The following NDUFAF2 variants were observed in gnomAD, a reference collection of about 807,000 sequenced individuals.
NDUFAF2 encodes NADH:ubiquinone oxidoreductase complex assembly factor 2.
In NDUFAF2, 13 loss-of-function variants were observed where a neutral mutation model predicts 22.8. That is an observed-to-expected ratio of 0.57 (90% CI 0.37 to 0.91). The LOEUF (loss-of-function observed/expected upper bound fraction) is 0.91. Ranked by LOEUF, NDUFAF2 falls within the 40% of genes least tolerant of loss-of-function variation. NDUFAF2 has a pLI of 0.01. For synonymous variants in NDUFAF2, 53 were observed against 64.2 expected, an observed-to-expected ratio of 0.83 and a Z score of 0.84; for missense variants, 162 against 195.2, an observed-to-expected ratio of 0.83 and a Z score of 1.01.
intron 1 of NDUFAF2, among the ~76,000 whole-genome samples, chr5:61,008,578 CG>C (rs2112596104): frequency 6.6e-6 from 1 of 152,138 alleles, no homozygotes; most frequent in Admixed American, 6.6e-5. Context: ...CTATAAAATG[CG>C]GATGATTTCA....
At chr5:60,947,637 G>C (rs895145536) in intron 1 of NDUFAF2, among the ~76,000 whole-genome samples, 1 of 151,556 alleles carries the variant, frequency 6.6e-6, no homozygotes, top group African/African-American at 2.4e-5. Context: ...ATGGTGGCAC[G>C]CGCCTGTAAT....
chr5:60,993,468 G>T (rs1407377797), intron 1 of NDUFAF2, among the ~76,000 whole-genome samples: 2 of 152,216 alleles, frequency 1.3e-5, no homozygotes, highest in African/African-American at 4.8e-5. Flanking sequence ...AGTCCAGGAA[G>T]AATGAGGTAT....
intron 2 of NDUFAF2, among the ~76,000 whole-genome samples, chr5:61,081,560 G>A (rs181775751): frequency 4.6e-5 from 7 of 152,196 alleles, no homozygotes; most frequent in East Asian, 3.9e-4. Context: ...GTCACCTTGG[G>A]CATAGATTAG....
intron 2 of NDUFAF2, among the ~76,000 whole-genome samples, chr5:61,088,732 A>G (rs1752533676): frequency 6.6e-6 from 1 of 152,166 alleles, no homozygotes; most frequent in Non-Finnish European, 1.5e-5. Context: ...GATTTGTTTC[A>G]TAATATATCC....
chr5:61,013,400 T>A (rs1751465998), intron 1 of NDUFAF2, among the ~76,000 whole-genome samples: 1 of 152,160 alleles, frequency 6.6e-6, no homozygotes, highest in Non-Finnish European at 1.5e-5. Context: ...TTATAATAAT[T>A]TCTTTCAACT....
intron 1 of NDUFAF2, among the ~76,000 whole-genome samples, chr5:60,978,256 TG>T (rs140861630): frequency 0.15 from 22,581 of 152,204 alleles, 2,137 homozygotes; most frequent in South Asian, 0.28. Flanking sequence ...TGGCAAGCCT[TG>T]ATACTGCGGG....
intron 1 of NDUFAF2, among the ~76,000 whole-genome samples, chr5:60,977,119 A>G (rs1375607771): frequency 1.3e-5 from 2 of 152,096 alleles, no homozygotes; most frequent in Admixed American, 6.5e-5. Context: ...ATATTAAAAT[A>G]TAGGTGTTAT....
intron 1 of NDUFAF2, among the ~76,000 whole-genome samples, chr5:60,985,207 G>C (rs1333752971): frequency 1.3e-5 from 2 of 152,128 alleles, no homozygotes; most frequent in African/African-American, 2.4e-5. Context: ...ATTCTATGAT[G>C]GTAGTTTGTA....
chr5:61,063,343 TAA>T (rs35853222), intron 1 of NDUFAF2, among the ~76,000 whole-genome samples: 81 of 146,712 alleles, frequency 5.5e-4, no homozygotes, highest in East Asian at 1.6e-3. Context: ...TCAAAAAAGT[TAA>T]AAAAAAAAAA....
At chr5:61,071,287 C>G in intron 1 of NDUFAF2, among the ~76,000 whole-genome samples, 1 of 152,142 alleles carries the variant, frequency 6.6e-6, no homozygotes, top group Admixed American at 6.5e-5. Flanking sequence ...ACTTGGGGAA[C>G]CTCTGCGTTA....
intron 3 of NDUFAF2, among the ~76,000 whole-genome samples, chr5:61,151,035 T>C (rs1741230484): frequency 6.6e-6 from 1 of 152,212 alleles, no homozygotes; most frequent in Non-Finnish European, 1.5e-5. Flanking sequence ...TATTTATAAA[T>C]ATTGTTCTTT....
intron 3 of NDUFAF2, among the ~76,000 whole-genome samples, chr5:61,112,451 A>G (rs1357372318): frequency 6.6e-6 from 1 of 151,942 alleles, no homozygotes; most frequent in Non-Finnish European, 1.5e-5. Context: ...TGACCTCGTG[A>G]TCCGCCCACT....
intron 2 of NDUFAF2, among the ~76,000 whole-genome samples, chr5:61,073,542 T>G (rs563639200): frequency 3.3e-5 from 5 of 152,320 alleles, no homozygotes; most frequent in African/African-American, 1.2e-4. Flanking sequence ...AATCCTAGGA[T>G]TTGAATCCTG....
chr5:61,064,499 G>T (rs1752205374), intron 1 of NDUFAF2, among the ~76,000 whole-genome samples: 1 of 151,792 alleles, frequency 6.6e-6, no homozygotes, highest in African/African-American at 2.4e-5. Flanking sequence ...CTTGTGTTAG[G>T]CCACAAAAGA....
At position 60,970,358 on chromosome 5, in the gene NDUFAF2, A is replaced by G. The variant is rs536343510; in HGVS notation, c.127+24976A>G. On this transcript the variant is annotated intron_variant, in intron 1 of 3. Transcript: ENST00000296597. The stretch of plus-strand genomic sequence containing the variant: ...GAATTGATTCTTCCCATCTATGAAC[A>G]TGGAATATCATTCTATTTTTTTGCA... Among the ~76,000 whole-genome samples the G allele has an allele frequency of 7.2e-5, 11 of 152,310 alleles. No individual in the cohort carries two copies. The East Asian group carries it at 2.1e-3, about 29-fold the overall frequency.
intron 1 of NDUFAF2, among the ~76,000 whole-genome samples, chr5:60,967,229 G>GTT (rs1448053735): frequency 6.6e-6 from 1 of 151,922 alleles, no homozygotes. Context: ...ATTAGTAACA[G>GTT]TTTTTTAGTG....
chr5:61,023,854 C>G (rs1014886790), intron 1 of NDUFAF2, among the ~76,000 whole-genome samples: 20 of 152,106 alleles, frequency 1.3e-4, no homozygotes, highest in African/African-American at 4.3e-4. Flanking sequence ...TGATCCCCCA[C>G]CTCACATCAG....
intron 1 of NDUFAF2, among the ~76,000 whole-genome samples, chr5:61,040,286 A>ACACACGCGCGCGCGCG (rs1491193758): frequency 3.9e-4 from 36 of 93,086 alleles, no homozygotes; most frequent in Admixed American, 1.4e-3. Context: ...ACACACACAC[A>ACACACGCGCGCGCGCG]CGCGCGCGCG....
rs915788765 is a variant in NDUFAF2, at chr5:61,112,070, G to A, written c.258+13038G>A. On this transcript the variant is annotated intron_variant, in intron 3 of 3. Transcript: ENST00000296597. ...TGGCTCCTGTCCTCCAGTTATTTTT[G>A]TATTGGGGTCTGTCTCTTTAGCTCT... Among the ~76,000 whole-genome samples, 3 of 151,860 alleles carry A rather than the reference G, an allele frequency of 2.0e-5. No homozygotes were observed. The East Asian group carries it at 5.9e-4, about 30-fold the overall frequency.
Sources: allele counts gnomAD v4.1 joint callset (sites outside exome capture counted in the v4.1 genomes callset), GRCh38; gene constraint gnomAD v4.1.1; transcripts MANE v1.5; gene names NCBI Gene and HGNC (gene_info 2026-07-23, HGNC 2026-07-21).